The following IL1RAPL1 variants were observed in gnomAD, a reference collection of about 807,000 sequenced individuals.
IL1RAPL1 encodes interleukin 1 receptor accessory protein like 1, also known as interleukin-1 receptor accessory protein-like 1.
A neutral mutation model predicts 48.4 loss-of-function variants in IL1RAPL1; 3 were observed. That is an observed-to-expected ratio of 0.06 (90% confidence interval 0.03 to 0.16). IL1RAPL1 has a LOEUF of 0.16. IL1RAPL1 is among the 10% of genes least tolerant of loss of function. The probability of loss-of-function intolerance (pLI) is 1.00; values close to 1 mark genes in which losing one functional copy is unlikely to be tolerated. For synonymous variants in IL1RAPL1, 185 were observed against 187.7 expected (o/e 0.99, Z 0.12); for missense variants, 349 against 530.6 (o/e 0.66, Z 3.36).
rs6630858 is a variant in IL1RAPL1 at position 29,428,028 on chromosome X, A to G, written c.703+28720A>G. Among the ~76,000 whole-genome samples, 7 of 112,434 alleles carry G rather than the reference A, an allele frequency of 6.2e-5. No homozygotes were observed. In the East Asian group the frequency reaches 2.0e-3, roughly 32 times the overall value. On this transcript the variant is annotated intron_variant, in intron 5 of 10. Coordinates refer to ENST00000378993, the MANE Select transcript of IL1RAPL1 (RefSeq NM_014271.4). Reference sequence around the variant, plus strand: ...GCAAGGGCAGTTAGCTTGTGAGTTTAGAAGCACAATGGAGTCACCTATGTT... The same window carrying G: ...GCAAGGGCAGTTAGCTTGTGAGTTTGGAAGCACAATGGAGTCACCTATGTT...
intron 6 of IL1RAPL1, among the ~76,000 whole-genome samples, chrX:29,752,495 C>CAA (rs10682605): frequency 0.29 from 15,451 of 52,554 alleles, 1,846 homozygotes; most frequent in Admixed American, 0.42. Context: ...GACTTTGTCT[C>CAA]AAAAAAAAAA....
At chrX:29,283,306 A>C in intron 3 of IL1RAPL1, 89 bp downstream of exon 3, 1 of 934,261 alleles carries the variant, frequency 1.1e-6, no homozygotes, top group Non-Finnish European at 1.5e-6. Flanking sequence ...TTTTGCCTAA[A>C]GCCGTTGTCT....
At chrX:29,336,268 C>CTATATATATATA (rs1569289381) in intron 3 of IL1RAPL1, among the ~76,000 whole-genome samples, 1 of 5,204 alleles carries the variant, frequency 1.9e-4, no homozygotes, top group Non-Finnish European at 4.5e-4. Context: ...CATATATATG[C>CTATATATATATA]CATATATATA....
At chrX:29,067,455 T>C (rs1186771962) in intron 2 of IL1RAPL1, among the ~76,000 whole-genome samples, 3 of 112,406 alleles carry the variant, frequency 2.7e-5, no homozygotes, top group South Asian at 7.4e-4. Flanking sequence ...CCCTCATTGT[T>C]AAGCTACAAC....
chrX:29,030,101 T>C (rs938260583), intron 2 of IL1RAPL1, among the ~76,000 whole-genome samples: 5 of 110,818 alleles, frequency 4.5e-5, no homozygotes, highest in Admixed American at 1.9e-4. Context: ...AGTCCATTGA[T>C]CTATTTGTCT....
At chrX:29,560,786 G>A (rs1476530837) in intron 5 of IL1RAPL1, among the ~76,000 whole-genome samples, 1 of 111,778 alleles carries the variant, frequency 8.9e-6, no homozygotes, top group African/African-American at 3.3e-5. Context: ...GCCTATCTGT[G>A]TTAGTTTGTA....
intron 6 of IL1RAPL1, among the ~76,000 whole-genome samples, chrX:29,750,472 A>T (rs749340638): frequency 2.4e-3 from 273 of 111,797 alleles, no homozygotes; most frequent in Non-Finnish European, 4.1e-3. Context: ...TGAGAAAAAA[A>T]ATCATTTTTA....
chrX:29,926,302 CAATT>C (rs1932890593), intron 8 of IL1RAPL1, among the ~76,000 whole-genome samples: 1 of 111,998 alleles, frequency 8.9e-6, no homozygotes, highest in Non-Finnish European at 1.9e-5. Flanking sequence ...ACTTTTTTCT[CAATT>C]AATAAATGAC....
chrX:29,938,902 C>T (rs922814330), intron 8 of IL1RAPL1, among the ~76,000 whole-genome samples: 1 of 112,207 alleles, frequency 8.9e-6, no homozygotes, highest in African/African-American at 3.2e-5. Flanking sequence ...GCATGTTTTG[C>T]GTATCAGTAG....
At chrX:28,809,879 T>C (rs1936772955) in intron 2 of IL1RAPL1, among the ~76,000 whole-genome samples, 1 of 107,855 alleles carries the variant, frequency 9.3e-6, no homozygotes, top group Admixed American at 1.0e-4. Context: ...AAGTGGAAGA[T>C]GGAGAGATAA....
intron 5 of IL1RAPL1, among the ~76,000 whole-genome samples, chrX:29,452,470 GAGACAATTTAGGGAGGGGA>G (rs1225088722): frequency 9.8e-5 from 11 of 111,725 alleles, no homozygotes; most frequent in African/African-American, 3.6e-4. Flanking sequence ...AATTTTTTAT[GAGACAATTTAGGGAGGGGA>G]TTTTGTGACT....
intron 2 of IL1RAPL1, among the ~76,000 whole-genome samples, chrX:29,257,342 G>T (rs760310659): frequency 2.3e-4 from 26 of 111,492 alleles, no homozygotes; most frequent in African/African-American, 8.4e-4. Flanking sequence ...AAAAATATTA[G>T]TAAAACTGAT....
chrX:29,091,275 A>G (rs752563316), intron 2 of IL1RAPL1, among the ~76,000 whole-genome samples: 89 of 111,876 alleles, frequency 8.0e-4, no homozygotes, highest in Non-Finnish European at 1.6e-3. Flanking sequence ...CATCATACTG[A>G]TACAGTAGCT....
intron 9 of IL1RAPL1, among the ~76,000 whole-genome samples, chrX:29,945,599 A>G (rs1429137978): frequency 1.8e-5 from 2 of 112,414 alleles, no homozygotes; most frequent in African/African-American, 6.5e-5. Flanking sequence ...TGTGTTGACT[A>G]CTTTATCAAT....
intron 6 of IL1RAPL1, among the ~76,000 whole-genome samples, chrX:29,825,544 C>T (rs1243555103): frequency 2.7e-5 from 3 of 111,323 alleles, no homozygotes; most frequent in African/African-American, 6.5e-5. Context: ...TATTGGCTGC[C>T]GCAGCTCAAC....
At chrX:29,800,023 C>T (rs1454165560) in intron 6 of IL1RAPL1, among the ~76,000 whole-genome samples, 1 of 111,867 alleles carries the variant, frequency 8.9e-6, no homozygotes, top group Non-Finnish European at 1.9e-5. Flanking sequence ...TCTGTTCTAT[C>T]TACTATCCCC....
intron 2 of IL1RAPL1, among the ~76,000 whole-genome samples, chrX:28,819,237 G>A (rs1312952913): frequency 1.8e-5 from 2 of 110,703 alleles, no homozygotes; most frequent in Non-Finnish European, 1.9e-5. Context: ...ATGAATCTTC[G>A]GATCCTTTAA....
intron 2 of IL1RAPL1, among the ~76,000 whole-genome samples, chrX:29,138,996 C>T (rs187267635): frequency 1.5e-3 from 171 of 111,345 alleles, no homozygotes; most frequent in Non-Finnish European, 7.2e-4. Context: ...TTTTCCAACA[C>T]GGCATTGGAT....
At chrX:29,276,177 T>C (rs750509916) in intron 2 of IL1RAPL1, among the ~76,000 whole-genome samples, 5 of 111,771 alleles carry the variant, frequency 4.5e-5, no homozygotes, top group African/African-American at 1.6e-4. Context: ...TGATATTTAA[T>C]CCAGTGTCCA....
Sources: gnomAD v4.1 joint callset for allele counts (sites outside exome capture counted in the v4.1 genomes callset) on GRCh38, gnomAD v4.1.1 for gene constraint, MANE v1.5 for transcripts, NCBI Gene and HGNC (gene_info 2026-07-23, HGNC 2026-07-21) for gene names.